Variants in PRPF8 observed in about 807,000 individuals in gnomAD.
PRPF8 encodes the protein pre-mRNA processing factor 8.
In PRPF8, 64 loss-of-function variants were observed where a neutral mutation model predicts 285.9. The ratio of observed to expected loss-of-function variants is 0.22; its 90% confidence interval spans 0.18 to 0.28. The LOEUF (loss-of-function observed/expected upper bound fraction) is 0.28, where lower values mean the gene tolerates loss of function less well. Ranked by LOEUF, PRPF8 falls within the 10% of genes least tolerant of loss-of-function variation. The pLI is 1.00. For missense variants in PRPF8, 1,426 were observed against 3,026.7 expected (o/e 0.47, Z 12.41); for synonymous variants, 1,325 against 1,118.2 (o/e 1.18, Z -3.69).
chr17:1,668,423 G>A lies in PRPF8; in HGVS notation c.3774+4658C>T, dbSNP rs1241740422. Reference sequence around the variant, plus strand: ...GTCACCCAGGCTGGAGTGCAGTGTCGCGATCTCGGTTCACTGCAAGCTCTG... The same window carrying A: ...GTCACCCAGGCTGGAGTGCAGTGTCACGATCTCGGTTCACTGCAAGCTCTG... On this transcript the variant is annotated intron_variant, in intron 24 of 42. Transcript: ENST00000304992. Among the ~76,000 whole-genome samples, 9 of 141,646 alleles carry A rather than the reference G, an allele frequency of 6.4e-5. No homozygotes were observed. In the South Asian group the frequency reaches 1.1e-3, roughly 17 times the overall value. 92.9% of individuals were successfully genotyped at this position (141,646 alleles called of 152,430 possible).
chr17:1,663,168 T>C (rs185356964), intron 24 of PRPF8, among the ~76,000 whole-genome samples: 496 of 152,214 alleles, frequency 3.3e-3, no homozygotes, highest in African/African-American at 0.011. Context: ...AAGTGAGCTA[T>C]GTATATACTG....
chr17:1,680,413 T>G (rs1252794271), intron 8 of PRPF8: 1 of 464,784 alleles, frequency 2.2e-6, no homozygotes, highest in East Asian at 4.3e-5. Context: ...AATGGATAAC[T>G]TGTATGGTAT....
chr17:1,677,799 G>A (rs777109100), intron 13 of PRPF8, 105 bp from the exon 14 acceptor site: 13 of 1,443,194 alleles, frequency 9.0e-6, no homozygotes, highest in African/African-American at 1.4e-5. Flanking sequence ...ACATACAGAG[G>A]AATGTAGGTA....
intron 24 of PRPF8, among the ~76,000 whole-genome samples, chr17:1,666,035 T>C (rs9909838): frequency 0.2 from 29,825 of 149,624 alleles, 6,416 homozygotes; most frequent in African/African-American, 0.55. Context: ...GGTGTGGTGG[T>C]GGGCACCTGT....
chr17:1,661,568 A>C lies in PRPF8; in HGVS notation c.4202+43T>G. The C allele has an allele frequency of 1.2e-6, 2 of 1,611,894 alleles. No individual in the cohort carries two copies. Among genetic ancestry groups the C allele is most frequent in the Non-Finnish European group, 1.7e-6 (2 of 1,179,808 alleles). ...AACTCCACACGGTTCAAAGGCCACCACTGCCCCTGCCCCAGGGTTGGCATG... is the reference window on the plus strand; with the variant it reads ...AACTCCACACGGTTCAAAGGCCACCCCTGCCCCTGCCCCAGGGTTGGCATG... On this transcript the variant is annotated intron_variant, in intron 26 of 42. Transcript: ENST00000304992. This position sits in a 1 kb window ranked among gnomAD's most constrained non-coding sequence, Gnocchi z 7.3.
chr17:1,651,795 A>G lies in PRPF8; in HGVS notation c.6370-7T>C, dbSNP rs1365311534. 7 of 1,613,948 alleles carry G rather than the reference A, an allele frequency of 4.3e-6. No individual in the cohort carries two copies. The Admixed American group carries it at 1.2e-4, about 27-fold the overall frequency. ...CATATAGGTATCCTGCAATCTGGAG[A>G]CAAAGGGGTCAGGAACCAAAACTCT... On this transcript the variant is annotated splice_polypyrimidine_tract_variant and splice_region_variant and intron_variant, in intron 39 of 42. Transcript: ENST00000304992. This position sits in a 1 kb window ranked among gnomAD's most constrained non-coding sequence, Gnocchi z 5.1.
chr17:1,683,677 G>C lies in PRPF8; in HGVS notation c.125C>G (p.Ala42Gly), dbSNP rs1250141703. ...EKARKWQQLQ[A>G]KRYAEKRKFG... ...CTTCCGCTTTTCTGCATAGCGCTTG[G>C]CCTGCAATTGCTGCCATTTTCGAGC... The change falls in exon 3 of 43, where the codon GCC becomes GGC. Residue 42 changes from alanine (A) to glycine (G), a missense_variant. Around this residue, in one of 34 missense-constraint regions of PRPF8, gnomAD observed 72 missense variants for 80.0 expected, o/e 0.90. Transcript: ENST00000304992. 1.2e-6 allele frequency: 2 copies of C among 1,613,954 alleles called. No homozygotes were observed. The highest frequency in any genetic ancestry group is 1.7e-6 in the Non-Finnish European group (2 of 1,180,016).
Position 1,684,470 on chromosome 17 carries a change from A to C in PRPF8, c.100+2T>G. The stretch of plus-strand genomic sequence containing the variant: ...GCGCGCCGCTCCACACTCTCGCCTC[A>C]CCTTTCTCCTGCAGCTTCTCCTCCG... On this transcript the variant is annotated splice_donor_variant, in intron 2 of 42. Transcript: ENST00000304992. LOFTEE classifies it high-confidence loss of function. The C allele has an allele frequency of 6.2e-7, 1 of 1,612,070 alleles. No individual in the cohort carries two copies. Among genetic ancestry groups the C allele is most frequent in the Non-Finnish European group, 8.5e-7 (1 of 1,179,544 alleles).
intron 24 of PRPF8, among the ~76,000 whole-genome samples, chr17:1,672,461 G>A (rs964978929): frequency 3.9e-5 from 6 of 152,244 alleles, no homozygotes; most frequent in African/African-American, 1.2e-4. Context: ...TGTATTTTTA[G>A]CAGAGACGAG....
Position 1,655,200 on chromosome 17 carries a change from T to C in PRPF8, c.5987+150A>G, listed in dbSNP as rs1911297609. On this transcript the variant is annotated intron_variant, in intron 37 of 42. Coordinates refer to ENST00000304992, the MANE Select transcript of PRPF8 (RefSeq NM_006445.4). Reference sequence around the variant, plus strand: ...TTCAAACTCCTGACCTCAAATGATCTACCCACCTTGGCCTCCCAAAGTGCT... The same window carrying C: ...TTCAAACTCCTGACCTCAAATGATCCACCCACCTTGGCCTCCCAAAGTGCT... 1.3e-5 allele frequency: 10 copies of C among 786,024 alleles called. 1 individual carries two copies. The South Asian group carries it at 1.5e-4, about 12-fold the overall frequency. The allele number at this position is 786,024 out of a possible 1,614,324, so 48.7% of individuals were successfully genotyped here. A position where few individuals can be genotyped will look rare whatever the true frequency, so the allele number is the denominator to read the frequency against.
Position 1,681,486 on chromosome 17 carries a change from G to A in PRPF8, c.858C>T (p.Ile286=), listed in dbSNP as rs982881629. ...TAATCTCTCCAACTCACTGTAGGTT[G>A]ATGTCTCGAACAAGAGGTTCAAATT... ...GPKFEPLVRD[I]NLQDEDWNEF... is the part of the protein sequence containing the mutation. The change falls in exon 6 of 43, where the codon ATC becomes ATT. Residue 286 remains isoleucine, a synonymous_variant. Transcript: ENST00000304992. 1.7e-5 allele frequency: 27 copies of A among 1,584,762 alleles called. No individual in the cohort carries two copies. The highest frequency in any genetic ancestry group is 2.3e-5 in the Non-Finnish European group (26 of 1,153,374).
chr17:1,675,695 G>A lies in PRPF8; in HGVS notation c.2797C>T (p.Arg933Cys). ...DQYLWYEADKRRLFPPWIKPA... is the reference protein window; with the variant it reads ...DQYLWYEADKCRLFPPWIKPA... ...TTAATCCAGGGTGGGAACAGGCGGC[G>A]CTTGTCGGCTTCATACCACAGGTAC... Residue 933 changes from arginine to cysteine, a missense_variant, in exon 19 of 43, where the codon CGC becomes TGC. Physicochemically the swap from Arg to Cys is radical, Grantham distance 180. Around this residue, in one of 34 missense-constraint regions of PRPF8, gnomAD observed 70 missense variants for 273.7 expected, o/e 0.26. Transcript: ENST00000304992. The surrounding 1 kb of genome is among the most constrained non-coding windows in gnomAD (Gnocchi z 6.0). 1 of 1,614,138 alleles carries A rather than the reference G, an allele frequency of 6.2e-7. No individual in the cohort carries two copies. Among genetic ancestry groups the A allele is most frequent in the Non-Finnish European group, 8.5e-7 (1 of 1,180,036 alleles).
At chr17:1,663,173 A>G (rs1911769166) in intron 24 of PRPF8, among the ~76,000 whole-genome samples, 1 of 152,192 alleles carries the variant, frequency 6.6e-6, no homozygotes, top group Non-Finnish European at 1.5e-5. Context: ...AGCTATGTAT[A>G]TACTGTAAAC....
rs1911209414 is a variant in PRPF8, at chr17:1,653,830, G to A, written c.6174C>T (p.Thr2058=). ...AAGTCTGGGTCTCATAGTTGCTGGT[G>A]GTGGAGGTGATGATCTCATCGCCAT... is the stretch of plus-strand genomic sequence containing the variant. ...NKHGDEIITS[T]TSNYETQTFS... Residue 2058 remains threonine (T), a synonymous_variant, in exon 38 of 43, where the codon ACC becomes ACT. Transcript: ENST00000304992. The surrounding 1 kb of genome is among the most constrained non-coding windows in gnomAD (Gnocchi z 4.9). 1 of 1,614,152 alleles carries A rather than the reference G, an allele frequency of 6.2e-7. No individual in the cohort carries two copies. Among genetic ancestry groups the A allele is most frequent in the African/African-American group, 1.3e-5 (1 of 75,022 alleles).
At chr17:1,683,886 G>C (rs1278323468) in intron 2 of PRPF8, among the ~76,000 whole-genome samples, 185 bp from the exon 3 acceptor site, 1 of 148,710 alleles carries the variant, frequency 6.7e-6, no homozygotes, top group African/African-American at 2.5e-5. Context: ...ATCACTATCT[G>C]ACTTTTTTTT....
Position 1,653,475 on chromosome 17 carries a change from AG to A in PRPF8, c.6369+66del. Reference sequence around the variant, plus strand: ...AGCATCTCAAGTTCCAGACAATCTCAGGTCTGAGTTTTAGGCACAAAATGAG... The same window carrying A: ...AGCATCTCAAGTTCCAGACAATCTCAGTCTGAGTTTTAGGCACAAAATGAG... On this transcript the variant is annotated intron_variant, in intron 39 of 42. Coordinates refer to ENST00000304992, the MANE Select transcript of PRPF8 (RefSeq NM_006445.4). The surrounding 1 kb of genome is among the most constrained non-coding windows in gnomAD (Gnocchi z 4.9). 6.3e-7 allele frequency: 1 copy of A among 1,591,768 alleles called. No individual in the cohort carries two copies. Among genetic ancestry groups the A allele is most frequent in the East Asian group, 2.2e-5 (1 of 44,750 alleles).
At chr17:1,666,725 G>A (rs961408369) in intron 24 of PRPF8, among the ~76,000 whole-genome samples, 7 of 152,186 alleles carry the variant, frequency 4.6e-5, no homozygotes, top group Middle Eastern at 3.4e-3. Flanking sequence ...GAAAGAGTGC[G>A]TTGGCTGGAG....
chr17:1,654,828 G>A (rs1173473033), intron 37 of PRPF8: 1 of 164,914 alleles, frequency 6.1e-6, no homozygotes, highest in Non-Finnish European at 1.3e-5. Flanking sequence ...GATGGCGTCA[G>A]TCTCTTGTTG....
intron 24 of PRPF8, among the ~76,000 whole-genome samples, chr17:1,669,327 G>T (rs775831108): frequency 6.6e-6 from 1 of 152,074 alleles, no homozygotes; most frequent in African/African-American, 2.4e-5. Context: ...GGCTGGTCTC[G>T]AACTCCTGAC....
Sources: allele counts gnomAD v4.1 joint callset (sites outside exome capture counted in the v4.1 genomes callset), GRCh38; gene constraint gnomAD v4.1.1; regional missense constraint gnomAD v4.1.1; non-coding constraint Gnocchi (gnomAD v3.1); transcripts MANE v1.5; gene names NCBI Gene and HGNC (gene_info 2026-07-23, HGNC 2026-07-21).